FNDC3B: variants seen among roughly 807,000 people sequenced by gnomAD.
FNDC3B encodes the protein fibronectin type III domain containing 3B, also known as fibronectin type III domain-containing protein 3B.
A neutral mutation model predicts 151.5 loss-of-function variants in FNDC3B; 12 were observed. The ratio of observed to expected loss-of-function variants is 0.08; its 90% CI spans 0.05 to 0.13. The LOEUF (loss-of-function observed/expected upper bound fraction) is 0.13, where lower values mean the gene tolerates loss of function less well. Among genes scored for constraint, FNDC3B ranks in the 10% least tolerant of loss-of-function variants. The pLI is 1.00. For missense variants in FNDC3B, 1,214 were observed against 1,505.3 expected, an observed-to-expected ratio of 0.81 and a Z score of 3.20; for synonymous variants, 528 against 549.0, an observed-to-expected ratio of 0.96 and a Z score of 0.54.
At chr3:172,213,516 T>G (rs1204115285) in intron 3 of FNDC3B, among the ~76,000 whole-genome samples, 1 of 152,234 alleles carries the variant, frequency 6.6e-6, no homozygotes, top group Non-Finnish European at 1.5e-5. Context: ...AGTATAATCC[T>G]AAAGTTTTGC....
At chr3:172,090,130 C>G (rs1718739471) in intron 1 of FNDC3B, among the ~76,000 whole-genome samples, 1 of 152,154 alleles carries the variant, frequency 6.6e-6, no homozygotes, top group South Asian at 2.1e-4. Context: ...GAAGTGGAAG[C>G]CAGAGACTTT....
chr3:172,309,197 C>T (rs1731340682), intron 10 of FNDC3B, among the ~76,000 whole-genome samples: 2 of 152,202 alleles, frequency 1.3e-5, no homozygotes, highest in South Asian at 4.1e-4. Flanking sequence ...AACAGATTCC[C>T]TGATCAAAGT....
intron 2 of FNDC3B, among the ~76,000 whole-genome samples, chr3:172,112,845 A>G (rs1038823417): frequency 3.9e-5 from 6 of 152,378 alleles, no homozygotes; most frequent in South Asian, 4.1e-4. Context: ...TTCAGACTGC[A>G]TAAAAGTCTT....
chr3:172,307,562 A>G (rs1731260322), intron 10 of FNDC3B, 61 bp downstream of exon 10: 3 of 1,563,208 alleles, frequency 1.9e-6, no homozygotes, highest in Middle Eastern at 1.8e-4. Context: ...TGTGGTGGCA[A>G]CGTGTTCCTA....
At chr3:172,390,560 T>C (rs905734535) in intron 25 of FNDC3B, among the ~76,000 whole-genome samples, 1 of 151,974 alleles carries the variant, frequency 6.6e-6, no homozygotes, top group Non-Finnish European at 1.5e-5. Flanking sequence ...TTTTAAATCT[T>C]AACCAGGGTT....
rs564010692 is a variant in FNDC3B at position 172,141,055 on chromosome 3, CCTAT to C, written c.187+7512_187+7515del. Among the ~76,000 whole-genome samples the C allele has an allele frequency of 1.6e-3, 249 of 152,204 alleles. 3 individuals carry two copies. The highest frequency in any genetic ancestry group is 5.9e-3 in the African/African-American group (244 of 41,530). ...TCTTAAAATGGGAACAATGATAGTA[CCTAT>C]CTGATAGGATTGTGAGGATAATCCA... is the stretch of plus-strand genomic sequence containing the variant. On this transcript the variant is annotated intron_variant, in intron 3 of 25. Coordinates refer to ENST00000415807, the MANE Select transcript of FNDC3B (RefSeq NM_022763.4).
chr3:172,062,469 G>A lies in FNDC3B; in HGVS notation c.-29+22698G>A, dbSNP rs147419199. Among the ~76,000 whole-genome samples, 659 of 152,010 alleles carry A rather than the reference G, an allele frequency of 4.3e-3. 5 individuals carry two copies. Among genetic ancestry groups the A allele is most frequent in the African/African-American group, 0.015 (636 of 41,438 alleles). On this transcript the variant is annotated intron_variant, in intron 1 of 25. Transcript: ENST00000415807. Reference sequence around the variant, plus strand: ...TGGGATGACAGATGTGTGCTACCACGCCTGGCTAATTTTTTGGATTTTTAG... The same window carrying A: ...TGGGATGACAGATGTGTGCTACCACACCTGGCTAATTTTTTGGATTTTTAG...
chr3:172,269,883 G>A (rs1171949247), intron 6 of FNDC3B, among the ~76,000 whole-genome samples: 1 of 152,070 alleles, frequency 6.6e-6, no homozygotes, highest in Non-Finnish European at 1.5e-5. Context: ...TCCTGACCTC[G>A]TGATCCGCCC....
chr3:172,202,051 C>A (rs1214118191), intron 3 of FNDC3B, among the ~76,000 whole-genome samples: 2 of 152,132 alleles, frequency 1.3e-5, no homozygotes, highest in Non-Finnish European at 2.9e-5. Context: ...CACAAATAAA[C>A]CCTTGAGTGC....
At chr3:172,312,752 A>G (rs1028965768) in intron 11 of FNDC3B, among the ~76,000 whole-genome samples, 2 of 152,162 alleles carry the variant, frequency 1.3e-5, no homozygotes, top group Non-Finnish European at 1.5e-5. Context: ...AAAGTTGAAT[A>G]CATACCTCAG....
At chr3:172,364,552 C>T (rs1734517764) in intron 23 of FNDC3B, among the ~76,000 whole-genome samples, 1 of 152,210 alleles carries the variant, frequency 6.6e-6, no homozygotes, top group Non-Finnish European at 1.5e-5. Flanking sequence ...TGCAATCCTG[C>T]CCTGTGTGGG....
intron 9 of FNDC3B, among the ~76,000 whole-genome samples, chr3:172,300,786 G>T (rs549395351): frequency 4.6e-5 from 7 of 152,094 alleles, no homozygotes; most frequent in Non-Finnish European, 1.0e-4. Context: ...CTCTCTCCTT[G>T]GGGATGGTCA....
rs193301614 is a variant in FNDC3B at position 172,164,895 on chromosome 3, A to G, written c.187+31349A>G. On this transcript the variant is annotated intron_variant, in intron 3 of 25. Coordinates refer to ENST00000415807, the MANE Select transcript of FNDC3B (RefSeq NM_022763.4). ...ATGTAGATGAATTTAAGTTTGTTAT[A>G]GGGGGAAATATTTTCTGTCTCATTG... Among the ~76,000 whole-genome samples, 377 of 151,298 alleles carry G rather than the reference A, an allele frequency of 2.5e-3. 1 individual carries two copies. Among genetic ancestry groups the G allele is most frequent in the African/African-American group, 8.5e-3 (343 of 40,566 alleles).
At chr3:172,192,233 C>T (rs996260005) in intron 3 of FNDC3B, among the ~76,000 whole-genome samples, 7 of 145,200 alleles carry the variant, frequency 4.8e-5, no homozygotes, top group South Asian at 2.2e-4. Flanking sequence ...AGTGCAGTGG[C>T]GTGATCTTGG....
chr3:172,286,205 AT>A (rs1246900555), intron 7 of FNDC3B, among the ~76,000 whole-genome samples: 3 of 152,084 alleles, frequency 2.0e-5, no homozygotes, highest in African/African-American at 7.2e-5. Flanking sequence ...TGTCTTCTTT[AT>A]TTAGGTATTC....
chr3:172,321,291 A>C (rs555508437), intron 11 of FNDC3B, among the ~76,000 whole-genome samples: 1 of 152,340 alleles, frequency 6.6e-6, no homozygotes, highest in South Asian at 2.1e-4. Flanking sequence ...GCATTATTAA[A>C]AGTCTTATTT....
At chr3:172,059,772 A>T (rs1490328649) in intron 1 of FNDC3B, among the ~76,000 whole-genome samples, 1 of 152,210 alleles carries the variant, frequency 6.6e-6, no homozygotes, top group Non-Finnish European at 1.5e-5. Context: ...TTTTAGCATA[A>T]TGATACTTTT....
intron 3 of FNDC3B, among the ~76,000 whole-genome samples, chr3:172,139,504 A>G (rs2108582918): frequency 6.6e-6 from 1 of 152,316 alleles, no homozygotes. Context: ...GATTGTAGTG[A>G]ATCTCTGTCT....
At chr3:172,309,277 C>T (rs189928950) in intron 10 of FNDC3B, among the ~76,000 whole-genome samples, 3 of 152,148 alleles carry the variant, frequency 2.0e-5, no homozygotes, top group Non-Finnish European at 4.4e-5. Flanking sequence ...TCCACAAAGA[C>T]GCTGAAAGCA....
Sources: allele counts gnomAD v4.1 joint callset (sites outside exome capture counted in the v4.1 genomes callset), GRCh38; gene constraint gnomAD v4.1.1; transcripts MANE v1.5; gene names NCBI Gene and HGNC (gene_info 2026-07-23, HGNC 2026-07-21).